GRM8: variants seen among roughly 807,000 people sequenced by gnomAD.
GRM8 encodes metabotropic glutamate receptor 8.
A neutral mutation model predicts 87.2 loss-of-function variants in GRM8; 47 were observed. That is an observed-to-expected ratio of 0.54 (90% CI 0.43 to 0.69). The LOEUF (loss-of-function observed/expected upper bound fraction) is 0.69. Ranked by LOEUF, GRM8 falls within the 30% of genes least tolerant of loss-of-function variation. GRM8 has a pLI of 0.00. For synonymous variants in GRM8, 396 were observed against 404.5 expected (o/e 0.98, Z 0.25); for missense variants, 1,019 against 1,139.2 (o/e 0.89, Z 1.52).
At chr7:127,040,865 G>A (rs778532950) in intron 3 of GRM8, among the ~76,000 whole-genome samples, 2 of 152,148 alleles carry the variant, frequency 1.3e-5, no homozygotes, top group Non-Finnish European at 2.9e-5. Flanking sequence ...GCTACATGAG[G>A]AAGAGAATGG....
chr7:126,467,140 T>C (rs558414991), intron 9 of GRM8, among the ~76,000 whole-genome samples: 1 of 151,842 alleles, frequency 6.6e-6, no homozygotes, highest in Non-Finnish European at 1.5e-5. Flanking sequence ...GCTATCCCTC[T>C]CCTAGCCCCC....
intron 7 of GRM8, among the ~76,000 whole-genome samples, chr7:126,743,264 T>C (rs1481005127): frequency 6.6e-6 from 1 of 152,118 alleles, no homozygotes; most frequent in Non-Finnish European, 1.5e-5. Flanking sequence ...CATGTTCCCA[T>C]ATAAAGGTAT....
chr7:126,613,757 T>C (rs1799164777), intron 7 of GRM8, among the ~76,000 whole-genome samples: 1 of 152,182 alleles, frequency 6.6e-6, no homozygotes, highest in Non-Finnish European at 1.5e-5. Context: ...GAGGGTCCCA[T>C]GCCCACGGAG....
chr7:126,989,367 T>C (rs984458543), intron 3 of GRM8, among the ~76,000 whole-genome samples: 2 of 152,210 alleles, frequency 1.3e-5, no homozygotes, highest in African/African-American at 4.8e-5. Flanking sequence ...TAATAAATCA[T>C]AACTCTGCTT....
rs536018392 is a variant in GRM8, at chr7:126,601,381, G to A, written c.1494+7981C>T. Among the ~76,000 whole-genome samples, 112 of 152,042 alleles carry A rather than the reference G, an allele frequency of 7.4e-4. 2 individuals carry two copies. The South Asian group carries it at 0.013, about 17-fold the overall frequency. On this transcript the variant is annotated intron_variant, in intron 8 of 10. Coordinates refer to ENST00000339582, the MANE Select transcript of GRM8 (RefSeq NM_000845.3). The stretch of plus-strand genomic sequence containing the variant: ...AGTCTTTGCTATGGTGAATAATGCC[G>A]CAATAAACATACGTGTGCATGTGTC...
At chr7:126,739,511 A>G (rs1414094076) in intron 7 of GRM8, among the ~76,000 whole-genome samples, 3 of 152,094 alleles carry the variant, frequency 2.0e-5, no homozygotes, top group African/African-American at 7.2e-5. Flanking sequence ...CATCTTTGAT[A>G]AGACCACGGT....
intron 2 of GRM8, chr7:127,228,817 A>C: frequency 6.6e-6 from 1 of 152,154 alleles, no homozygotes; most frequent in East Asian, 1.9e-4. Flanking sequence ...ACAATGCAAA[A>C]CTGTCTTCTT....
chr7:126,881,391 G>A (rs1800008738), intron 6 of GRM8, among the ~76,000 whole-genome samples: 1 of 152,172 alleles, frequency 6.6e-6, no homozygotes, highest in Admixed American at 6.5e-5. Context: ...CACGGCCAGC[G>A]CACAGGACCG....
At chr7:126,681,631 G>A (rs1024739523) in intron 7 of GRM8, among the ~76,000 whole-genome samples, 1 of 152,224 alleles carries the variant, frequency 6.6e-6, no homozygotes, top group Non-Finnish European at 1.5e-5. Context: ...CAGTGACAGA[G>A]CAGGGACTTT....
chr7:126,946,608 T>C (rs1807566835), intron 3 of GRM8, among the ~76,000 whole-genome samples: 2 of 152,206 alleles, frequency 1.3e-5, no homozygotes, highest in African/African-American at 4.8e-5. Context: ...CTAGTTATCC[T>C]AGCCAAAGCT....
intron 7 of GRM8, among the ~76,000 whole-genome samples, chr7:126,734,126 AG>A (rs1216353569): frequency 1.3e-5 from 2 of 152,064 alleles, no homozygotes; most frequent in Non-Finnish European, 2.9e-5. Context: ...GGAATTTCCC[AG>A]AACTACATTA....
At chr7:126,498,445 T>C in intron 9 of GRM8, among the ~76,000 whole-genome samples, 1 of 151,956 alleles carries the variant, frequency 6.6e-6, no homozygotes. Context: ...CAGAAGATTC[T>C]GCTTTCTGCA....
chr7:126,630,531 A>G (rs376659984), intron 7 of GRM8, among the ~76,000 whole-genome samples: 1 of 152,118 alleles, frequency 6.6e-6, no homozygotes, highest in Non-Finnish European at 1.5e-5. Flanking sequence ...TAAGTCGTTA[A>G]ATGAGGCCAG....
intron 7 of GRM8, among the ~76,000 whole-genome samples, chr7:126,679,779 C>A (rs1322742726): frequency 6.6e-6 from 1 of 152,098 alleles, no homozygotes; most frequent in Non-Finnish European, 1.5e-5. Flanking sequence ...CTTGTAATCC[C>A]AGCACTTTGC....
intron 9 of GRM8, among the ~76,000 whole-genome samples, 191 bp from the exon 10 acceptor site, chr7:126,446,563 TA>T (rs1802044689): frequency 1.3e-5 from 2 of 152,062 alleles, no homozygotes; most frequent in South Asian, 2.1e-4. Context: ...TGAGTAAGGT[TA>T]TTTTTTTATT....
chr7:126,840,270 G>C (rs949544048), intron 6 of GRM8, among the ~76,000 whole-genome samples: 4 of 152,094 alleles, frequency 2.6e-5, no homozygotes, highest in Non-Finnish European at 5.9e-5. Flanking sequence ...ATAATAGAAA[G>C]GGAAACTGCA....
intron 7 of GRM8, among the ~76,000 whole-genome samples, chr7:126,764,800 T>C (rs916296360): frequency 6.6e-6 from 1 of 152,086 alleles, no homozygotes; most frequent in East Asian, 1.9e-4. Context: ...AATTCTGAAG[T>C]TGACTCTTCT....
intron 2 of GRM8, among the ~76,000 whole-genome samples, chr7:127,208,706 T>C (rs1474825214): frequency 6.6e-6 from 1 of 152,190 alleles, no homozygotes; most frequent in Non-Finnish European, 1.5e-5. Context: ...TCATCTCAAC[T>C]CTCGCAGATC....
chr7:126,990,774 T>C (rs1044397931), intron 3 of GRM8, among the ~76,000 whole-genome samples: 1 of 152,220 alleles, frequency 6.6e-6, no homozygotes, highest in Non-Finnish European at 1.5e-5. Context: ...AAATAATGCA[T>C]TTCAAGTACT....
Sources: allele counts gnomAD v4.1 joint callset (sites outside exome capture counted in the v4.1 genomes callset), GRCh38; gene constraint gnomAD v4.1.1; transcripts MANE v1.5; gene names NCBI Gene and HGNC (gene_info 2026-07-23, HGNC 2026-07-21).